The following GRB14 variants were observed in gnomAD, a reference collection of about 807,000 sequenced individuals.
GRB14 encodes the protein growth factor receptor-bound protein 14.
GRB14 carries 38 observed loss-of-function variants against 69.1 expected under a neutral mutation model. That is an observed-to-expected ratio of 0.55 (90% CI 0.42 to 0.72). The LOEUF is 0.72. GRB14 is among the 30% of genes least tolerant of loss of function. The probability of loss-of-function intolerance (pLI) is 0.00; values close to 1 mark genes in which losing one functional copy is unlikely to be tolerated. For missense variants in GRB14, 666 were observed against 666.1 expected (o/e 1.00, Z 0.00); for synonymous variants, 247 against 241.3 (o/e 1.02, Z -0.22).
chr2:164,502,407 T>G, intron 8 of GRB14, 72 bp from the exon 9 acceptor site: 1 of 874,580 alleles, frequency 1.1e-6, no homozygotes, highest in Non-Finnish European at 1.9e-6. Context: ...ATCAACACTT[T>G]CATCAATTAT....
chr2:164,595,356 T>C (rs1015082035), intron 2 of GRB14, among the ~76,000 whole-genome samples: 9 of 152,134 alleles, frequency 5.9e-5, no homozygotes, highest in Non-Finnish European at 1.0e-4. Context: ...TAAAAAACTA[T>C]TGGGGCACAG....
At chr2:164,565,751 C>A (rs1484185312) in intron 2 of GRB14, among the ~76,000 whole-genome samples, 1 of 152,176 alleles carries the variant, frequency 6.6e-6, no homozygotes, top group Non-Finnish European at 1.5e-5. Flanking sequence ...TCAGAGAAAT[C>A]AGATCCTAAT....
At position 164,506,473 on chromosome 2, in the gene GRB14, T is replaced by C. The variant is rs533679753; in HGVS notation, c.1023+1982A>G. On this transcript the variant is annotated intron_variant, in intron 8 of 13. Coordinates refer to ENST00000263915, the MANE Select transcript of GRB14 (RefSeq NM_004490.3). Reference sequence around the variant, plus strand: ...AGTAAATAACAAGTATTGACAAATATATGAAGAAATTGGAACTCTCATGCA... The same window carrying C: ...AGTAAATAACAAGTATTGACAAATACATGAAGAAATTGGAACTCTCATGCA... Among the ~76,000 whole-genome samples, 12 of 152,262 alleles carry C rather than the reference T, an allele frequency of 7.9e-5. No individual in the cohort carries two copies. The East Asian group carries it at 1.9e-3, about 24-fold the overall frequency.
At position 164,619,837 on chromosome 2, in the gene GRB14, A is replaced by T; in HGVS notation, c.192-18T>A. The T allele has an allele frequency of 3.1e-6, 5 of 1,589,790 alleles. No homozygotes were observed. The highest frequency in any genetic ancestry group is 2.6e-6 in the Non-Finnish European group (3 of 1,165,556). Reference sequence around the variant, plus strand: ...TTTTTCTCCTACAGTAAGAGAACATAGGATGTAATTTACATAAAACAGAAT... The same window carrying T: ...TTTTTCTCCTACAGTAAGAGAACATTGGATGTAATTTACATAAAACAGAAT... On this transcript the variant is annotated intron_variant, in intron 1 of 13. Transcript: ENST00000263915.
At chr2:164,568,576 A>G (rs1158073304) in intron 2 of GRB14, 1 of 603,786 alleles carries the variant, frequency 1.7e-6, no homozygotes, top group Non-Finnish European at 2.1e-6. Flanking sequence ...GCAGCAACCA[A>G]TCAAAGCCCG....
intron 2 of GRB14, among the ~76,000 whole-genome samples, chr2:164,598,270 T>C (rs1689832573): frequency 6.6e-6 from 1 of 152,202 alleles, no homozygotes; most frequent in South Asian, 2.1e-4. Context: ...ATTATGGTGA[T>C]AACTTCAAGT....
In GRB14 at chr2:164,550,503, T is replaced by C. The variant is rs926217759; in HGVS notation, c.325-2687A>G. ...AAAATTATACTTAATGACAGTGCAA[T>C]GAAATAGTTGCTCTCTCTTACAATG... is the stretch of plus-strand genomic sequence containing the variant. On this transcript the variant is annotated intron_variant, in intron 2 of 13. Transcript: ENST00000263915. Among the ~76,000 whole-genome samples, 4 of 152,220 alleles carry C rather than the reference T, an allele frequency of 2.6e-5. No individual in the cohort carries two copies. In the East Asian group the frequency reaches 5.8e-4, roughly 22 times the overall value.
In GRB14 at chr2:164,507,542, A is replaced by G. The variant is rs1299284942; in HGVS notation, c.1023+913T>C. On this transcript the variant is annotated intron_variant, in intron 8 of 13. Coordinates refer to ENST00000263915, the MANE Select transcript of GRB14 (RefSeq NM_004490.3). ...GCAAATTATATTAGTGCCTAGGCAT[A>G]AATTATAAAGAGTACCTTAGAAAAT... Among the ~76,000 whole-genome samples, 6 of 152,222 alleles carry G rather than the reference A, an allele frequency of 3.9e-5. No individual in the cohort carries two copies. The East Asian group carries it at 9.6e-4, about 24-fold the overall frequency.
At chr2:164,610,728 A>C (rs1690147207) in intron 2 of GRB14, among the ~76,000 whole-genome samples, 2 of 151,948 alleles carry the variant, frequency 1.3e-5, no homozygotes, top group Admixed American at 1.3e-4. Context: ...CTTTCCATGA[A>C]ATAACCCAAG....
intron 2 of GRB14, among the ~76,000 whole-genome samples, chr2:164,558,472 A>G (rs972401012): frequency 1.2e-4 from 18 of 152,306 alleles, no homozygotes; most frequent in African/African-American, 4.3e-4. Context: ...CAATATGAAT[A>G]ATAAAGAGGT....
chr2:164,547,665 C>T lies in GRB14; in HGVS notation c.476G>A (p.Gly159Asp), dbSNP rs1292408695. 4 of 1,612,878 alleles carry T rather than the reference C, an allele frequency of 2.5e-6. No individual in the cohort carries two copies. The highest frequency in any genetic ancestry group is 2.5e-6 in the Non-Finnish European group (3 of 1,179,272). Residue 159 changes from glycine (G) to aspartate (D), a missense_variant, in exon 3 of 14, where the codon GGT becomes GAT. By Grantham distance (94) the Gly-to-Asp change is moderately conservative (BLOSUM62 -1). Coordinates refer to ENST00000263915, the MANE Select transcript of GRB14 (RefSeq NM_004490.3). Reference sequence around the variant, plus strand: ...CAATAACTCCGTATCCTTACCTACACCTATGTGAGGCAGGTGCTCAAAAAG... The same window carrying T: ...CAATAACTCCGTATCCTTACCTACATCTATGTGAGGCAGGTGCTCAAAAAG... ...WTLFEHLPHI[G>D]VERTIEDHEL...
rs149995367 is a variant in GRB14, at chr2:164,594,490, G to A, written c.324+25197C>T. ...CTGTCAAAGCCATGCGTAGAGTTAC[G>A]TTTCTGGCCTCTTCCTCCAGGATGC... On this transcript the variant is annotated intron_variant, in intron 2 of 13. Coordinates refer to ENST00000263915, the MANE Select transcript of GRB14 (RefSeq NM_004490.3). 7.5e-3 allele frequency among the ~76,000 whole-genome samples: 1,142 copies of A among 152,272 alleles called. 8 individuals carry two copies. The highest frequency in any genetic ancestry group is 0.014 in the Middle Eastern group (4 of 294).
chr2:164,584,147 A>ATTTTTTTTTTTTTTTTTTTTTTTTTT (rs55883951), intron 2 of GRB14, among the ~76,000 whole-genome samples: 5 of 49,898 alleles, frequency 1.0e-4, no homozygotes, highest in Non-Finnish European at 1.4e-4. Context: ...CAGCCTGGCT[A>ATTTTTTTTTTTTTTTTTTTTTTTTTT]TTTTTTTTTT....
chr2:164,592,123 G>T (rs1412203860), intron 2 of GRB14, among the ~76,000 whole-genome samples: 1 of 147,620 alleles, frequency 6.8e-6, no homozygotes, highest in Non-Finnish European at 1.5e-5. Context: ...CCAGTCATGG[G>T]TTTTTTTTTT....
intron 2 of GRB14, among the ~76,000 whole-genome samples, chr2:164,604,626 A>T (rs887650444): frequency 2.0e-5 from 3 of 152,054 alleles, no homozygotes; most frequent in African/African-American, 7.2e-5. Context: ...ATGTATGAAC[A>T]ATCTCTTCTT....
rs1236231275 is a variant in GRB14, at chr2:164,527,081, A to G, written c.536T>C (p.Ile179Thr). The change falls in exon 4 of 14, where the codon ATA becomes ACA. Residue 179 changes from isoleucine (I) to threonine (T), a missense_variant. Ile to Thr is a moderately conservative substitution (Grantham distance 89). Transcript: ENST00000263915. Reference protein sequence around the residue: ...LVIEVLSNWGIEEENKLYFRK... With the variant: ...LVIEVLSNWGTEEENKLYFRK... ...AAAGTATAGTTTGTTTTCTTCTTCT[A>G]TCCCCCAGTTGGATAGCACTTCAAT... The G allele has an allele frequency of 1.3e-6, 2 of 1,588,244 alleles. No individual in the cohort carries two copies. Among genetic ancestry groups the G allele is most frequent in the Non-Finnish European group, 8.6e-7 (1 of 1,160,074 alleles).
intron 3 of GRB14, among the ~76,000 whole-genome samples, chr2:164,545,064 AG>A (rs1276363099): frequency 1.3e-5 from 2 of 152,252 alleles, no homozygotes; most frequent in African/African-American, 4.8e-5. Context: ...CATCAAACAA[AG>A]GGACGATTTT....
At chr2:164,615,500 C>A (rs1388064363) in intron 2 of GRB14, among the ~76,000 whole-genome samples, 3 of 152,170 alleles carry the variant, frequency 2.0e-5, no homozygotes, top group African/African-American at 7.2e-5. Context: ...TTATACTACT[C>A]TTATTTACAG....
chr2:164,508,445 G>A lies in GRB14; in HGVS notation c.1023+10C>T. The A allele has an allele frequency of 6.2e-7, 1 of 1,605,922 alleles. No individual in the cohort carries two copies. The highest frequency in any genetic ancestry group is 8.5e-7 in the Non-Finnish European group (1 of 1,172,960). ...CAGTTAATAGAAATTCATGCCTCCG[G>A]CGAGATTACCTTAAGCAATCTAATC... On this transcript the variant is annotated intron_variant, in intron 8 of 13. Transcript: ENST00000263915.
Sources: allele counts gnomAD v4.1 joint callset (sites outside exome capture counted in the v4.1 genomes callset), GRCh38; gene constraint gnomAD v4.1.1; transcripts MANE v1.5; gene names NCBI Gene and HGNC (gene_info 2026-07-23, HGNC 2026-07-21).